The following CHRM3 variants were observed in gnomAD, a reference collection of about 807,000 sequenced individuals.
The protein encoded by CHRM3 is muscarinic acetylcholine receptor M3.
A neutral mutation model predicts 41.8 loss-of-function variants in CHRM3; 11 were observed. That is an observed-to-expected ratio of 0.26 (90% CI 0.17 to 0.44). The LOEUF (loss-of-function observed/expected upper bound fraction) is 0.44, where lower values mean the gene tolerates loss of function less well. Ranked by LOEUF, CHRM3 falls within the 20% of genes least tolerant of loss-of-function variation. The probability of loss-of-function intolerance (pLI) is 1.00; values close to 1 mark genes in which losing one functional copy is unlikely to be tolerated. For synonymous variants in CHRM3, 297 were observed against 301.4 expected (o/e 0.99, Z 0.15); for missense variants, 571 against 745.4 (o/e 0.77, Z 2.72).
intron 3 of CHRM3, among the ~76,000 whole-genome samples, chr1:239,561,588 A>G (rs1031106465): frequency 6.6e-6 from 1 of 151,862 alleles, no homozygotes; most frequent in East Asian, 1.9e-4. Flanking sequence ...AGAATATTAT[A>G]TATTAAGAAT....
At chr1:239,706,667 T>C (rs1038810498) in intron 5 of CHRM3, among the ~76,000 whole-genome samples, 1 of 138,698 alleles carries the variant, frequency 7.2e-6, no homozygotes, top group Non-Finnish European at 1.5e-5. Context: ...CACACACACT[T>C]GCATGTACAC....
intron 1 of CHRM3, among the ~76,000 whole-genome samples, chr1:239,435,786 C>A (rs916344509): frequency 6.6e-6 from 1 of 151,990 alleles, no homozygotes; most frequent in African/African-American, 2.4e-5. Flanking sequence ...TTACACCATT[C>A]TTTTTTCTTT....
At chr1:239,663,359 G>A (rs2355232) in intron 4 of CHRM3, among the ~76,000 whole-genome samples, 115,874 of 152,092 alleles carry the variant, frequency 0.76, 45,344 homozygotes, top group African/African-American at 0.93. Context: ...CTGAGTTTCT[G>A]CAATTCCCAT....
At chr1:239,540,524 C>A (rs1449489967) in intron 2 of CHRM3, among the ~76,000 whole-genome samples, 2 of 152,116 alleles carry the variant, frequency 1.3e-5, no homozygotes, top group Admixed American at 1.3e-4. Flanking sequence ...TGGAGAAAGT[C>A]TGGGATAGTA....
chr1:239,782,970 G>C (rs901675544), intron 5 of CHRM3, among the ~76,000 whole-genome samples: 2 of 119,750 alleles, frequency 1.7e-5, no homozygotes, highest in Admixed American at 9.6e-5. Context: ...TAAAGCAGAC[G>C]TTGTTTGATT....
intron 6 of CHRM3, among the ~76,000 whole-genome samples, chr1:239,851,245 G>A (rs1674672261): frequency 6.6e-6 from 1 of 152,150 alleles, no homozygotes; most frequent in South Asian, 2.1e-4. Context: ...AAAGCAATCT[G>A]GTGTTTTTTA....
At chr1:239,906,911 T>C (rs894062118) in intron 6 of CHRM3, among the ~76,000 whole-genome samples, 2 of 152,196 alleles carry the variant, frequency 1.3e-5, no homozygotes, top group Non-Finnish European at 2.9e-5. Flanking sequence ...TTGATTTACA[T>C]TGGTTTTATC....
At chr1:239,536,200 T>A (rs10495444) in intron 2 of CHRM3, among the ~76,000 whole-genome samples, 76,201 of 151,922 alleles carry the variant, frequency 0.5, 19,650 homozygotes, top group Middle Eastern at 0.68. Flanking sequence ...TTACCTTAAA[T>A]TCTAACCTCA....
intron 4 of CHRM3, among the ~76,000 whole-genome samples, chr1:239,662,896 T>TCC (rs1673367068): frequency 4.8e-5 from 1 of 20,724 alleles, no homozygotes; most frequent in African/African-American, 1.1e-4. Context: ...CCTCCTCCTC[T>TCC]TCTTCTTCTT....
At chr1:239,667,330 T>A (rs1356774126) in intron 4 of CHRM3, among the ~76,000 whole-genome samples, 2 of 152,206 alleles carry the variant, frequency 1.3e-5, no homozygotes, top group African/African-American at 4.8e-5. Flanking sequence ...AGTTCTCTTC[T>A]CTGTCCAGTC....
chr1:239,826,552 A>C (rs1028015969), intron 5 of CHRM3, among the ~76,000 whole-genome samples: 29 of 152,212 alleles, frequency 1.9e-4, no homozygotes, highest in African/African-American at 6.5e-4. Context: ...CAAAGAAGCA[A>C]ATATGCAAAA....
At chr1:239,732,236 C>A (rs1346258778) in intron 5 of CHRM3, among the ~76,000 whole-genome samples, 1 of 151,180 alleles carries the variant, frequency 6.6e-6, no homozygotes. Flanking sequence ...GATAAGTATA[C>A]CTAATATCTC....
chr1:239,704,879 TG>T (rs1295734425), intron 5 of CHRM3: 2 of 152,156 alleles, frequency 1.3e-5, no homozygotes, highest in African/African-American at 4.8e-5. Context: ...TAGGCATGCA[TG>T]GAAAGGAAAG....
chr1:239,652,468 A>G (rs1672326101), intron 4 of CHRM3, among the ~76,000 whole-genome samples: 1 of 152,228 alleles, frequency 6.6e-6, no homozygotes, highest in Non-Finnish European at 1.5e-5. Flanking sequence ...AGATAGTTAC[A>G]TATAAAGTGT....
rs570551131 is a variant in CHRM3, at chr1:239,868,958, T to A, written c.-19-38475T>A. On this transcript the variant is annotated intron_variant, in intron 6 of 6. Coordinates refer to ENST00000676153, the MANE Select transcript of CHRM3 (RefSeq NM_001375978.1). ...TGAAATAGCTTTTTAAGCCTCAAGG[T>A]CAAGGTCCTTACAAGGAGAGCCTGG... Among the ~76,000 whole-genome samples the A allele has an allele frequency of 3.3e-5, 5 of 152,258 alleles. No individual in the cohort carries two copies. In the South Asian group the frequency reaches 1.0e-3, roughly 32 times the overall value.
chr1:239,779,224 C>T (rs1344474385), intron 5 of CHRM3, among the ~76,000 whole-genome samples: 1 of 152,170 alleles, frequency 6.6e-6, no homozygotes, highest in Non-Finnish European at 1.5e-5. Flanking sequence ...AATTCCCATA[C>T]ACCCCCTGCC....
chr1:239,437,425 C>T (rs988928380), intron 1 of CHRM3, among the ~76,000 whole-genome samples: 2 of 152,344 alleles, frequency 1.3e-5, no homozygotes, highest in African/African-American at 4.8e-5. Context: ...ACTGTTGTTT[C>T]TTCCAGAACT....
intron 5 of CHRM3, among the ~76,000 whole-genome samples, chr1:239,799,659 C>T (rs1443316459): frequency 6.6e-6 from 1 of 152,138 alleles, no homozygotes; most frequent in Admixed American, 6.5e-5. Context: ...GACTTTATTG[C>T]TTTTTGTGCC....
chr1:239,527,894 C>T (rs920677948), intron 2 of CHRM3, among the ~76,000 whole-genome samples: 18 of 152,184 alleles, frequency 1.2e-4, no homozygotes, highest in African/African-American at 4.1e-4. Context: ...TTACCATCCC[C>T]TTGTACTACA....
Sources: gnomAD v4.1 joint callset for allele counts (sites outside exome capture counted in the v4.1 genomes callset) on GRCh38, gnomAD v4.1.1 for gene constraint, MANE v1.5 for transcripts, NCBI Gene and HGNC (gene_info 2026-07-23, HGNC 2026-07-21) for gene names.